The following ANTXR1 variants were observed in gnomAD, a reference collection of about 807,000 sequenced individuals.
ANTXR1 encodes the protein anthrax toxin receptor 1.
In ANTXR1, 19 loss-of-function variants were observed where a neutral mutation model predicts 78.1. The observed-to-expected ratio is 0.24, with a 90% confidence interval of 0.17 to 0.36. The LOEUF (loss-of-function observed/expected upper bound fraction) is 0.36, where lower values mean the gene tolerates loss of function less well. Ranked by LOEUF, ANTXR1 falls within the 10% of genes least tolerant of loss-of-function variation. The probability of loss-of-function intolerance (pLI) is 1.00; values close to 1 mark genes in which losing one functional copy is unlikely to be tolerated. For synonymous variants in ANTXR1, 273 were observed against 260.5 expected (o/e 1.05, Z -0.46); for missense variants, 518 against 718.6 (o/e 0.72, Z 3.19).
chr2:69,175,184 GGTTA>G (rs1674087047), intron 14 of ANTXR1, among the ~76,000 whole-genome samples: 1 of 152,190 alleles, frequency 6.6e-6, no homozygotes, highest in African/African-American at 2.4e-5. Context: ...ACGTAAAGAT[GGTTA>G]CTTATTTTCT....
chr2:69,213,844 A>C (rs972229381), intron 17 of ANTXR1, among the ~76,000 whole-genome samples: 1 of 152,256 alleles, frequency 6.6e-6, no homozygotes, highest in Non-Finnish European at 1.5e-5. Flanking sequence ...GTTCCAGTCA[A>C]CATTCCCTGT....
chr2:69,030,476 G>A (rs1333525229), intron 1 of ANTXR1, among the ~76,000 whole-genome samples: 1 of 152,098 alleles, frequency 6.6e-6, no homozygotes, highest in Non-Finnish European at 1.5e-5. Flanking sequence ...AAAACTAACA[G>A]TATAGTAAAG....
chr2:69,240,700 C>T (rs755045320), intron 17 of ANTXR1, among the ~76,000 whole-genome samples: 1 of 152,186 alleles, frequency 6.6e-6, no homozygotes, highest in African/African-American at 2.4e-5. Context: ...TTCAGGAATA[C>T]AGTATAAAGA....
intron 1 of ANTXR1, among the ~76,000 whole-genome samples, chr2:69,035,783 G>A (rs1236558594): frequency 2.6e-5 from 4 of 152,212 alleles, no homozygotes; most frequent in African/African-American, 9.6e-5. Context: ...TTGTTTTAAA[G>A]CTCTCATTTT....
chr2:69,216,214 A>G (rs546290305), intron 17 of ANTXR1, among the ~76,000 whole-genome samples: 200 of 152,358 alleles, frequency 1.3e-3, no homozygotes, highest in African/African-American at 4.5e-3. Flanking sequence ...TTATATCATC[A>G]GATTCCATGG....
chr2:69,027,660 A>G (rs1273284941), intron 1 of ANTXR1, among the ~76,000 whole-genome samples: 3 of 137,208 alleles, frequency 2.2e-5, no homozygotes, highest in African/African-American at 6.4e-5. Flanking sequence ...GTGTGTGTGT[A>G]AGCTATTTTG....
chr2:69,219,598 T>C (rs1313252230), intron 17 of ANTXR1, among the ~76,000 whole-genome samples: 1 of 152,222 alleles, frequency 6.6e-6, no homozygotes, highest in African/African-American at 2.4e-5. Flanking sequence ...CTATATTATA[T>C]GCTAAACAAG....
intron 3 of ANTXR1, among the ~76,000 whole-genome samples, chr2:69,068,518 C>T (rs1216647482): frequency 6.6e-6 from 1 of 152,072 alleles, no homozygotes; most frequent in African/African-American, 2.4e-5. Context: ...ATGTGAAGTG[C>T]CTATTGGAGA....
intron 17 of ANTXR1, among the ~76,000 whole-genome samples, chr2:69,231,373 A>G (rs1018660341): frequency 2.0e-5 from 3 of 152,140 alleles, no homozygotes; most frequent in Admixed American, 2.0e-4. Flanking sequence ...GGCAATGACT[A>G]AAGCACAGAT....
At chr2:69,164,811 G>A (rs751138508) in intron 13 of ANTXR1, among the ~76,000 whole-genome samples, 26 of 152,328 alleles carry the variant, frequency 1.7e-4, no homozygotes, top group Non-Finnish European at 2.4e-4. Flanking sequence ...AACACAGGAC[G>A]GGAGGCAGTG....
chr2:69,106,335 G>A (rs1671808313), intron 10 of ANTXR1, among the ~76,000 whole-genome samples: 1 of 152,178 alleles, frequency 6.6e-6, no homozygotes, highest in Non-Finnish European at 1.5e-5. Flanking sequence ...GATGAAATAT[G>A]ATTTTTAAAA....
rs901162339 is a variant in ANTXR1 at position 69,248,988 on chromosome 2, CTCT to C, written c.*3507_*3509del. 2.0e-5 allele frequency: 3 copies of C among 152,192 alleles called. No individual in the cohort carries two copies. Among genetic ancestry groups the C allele is most frequent in the African/African-American group, 7.2e-5 (3 of 41,440 alleles). 9.4% of individuals were successfully genotyped at this position (152,192 alleles called of 1,614,324 possible). A position where few individuals can be genotyped will look rare whatever the true frequency, so the allele number is the denominator to read the frequency against. On this transcript the variant is annotated 3_prime_UTR_variant, in exon 18 of 18. Transcript: ENST00000303714. ...GATTTTTAATACACTTAACATTAAA[CTCT>C]TCTAACTTTCTTCTTTCTGTGATAA...
intron 13 of ANTXR1, among the ~76,000 whole-genome samples, chr2:69,161,895 T>C (rs1237298730): frequency 2.6e-5 from 4 of 152,046 alleles, no homozygotes; most frequent in Non-Finnish European, 5.9e-5. Flanking sequence ...CTTTAAGAGA[T>C]CAACCCAGAA....
intron 8 of ANTXR1, among the ~76,000 whole-genome samples, chr2:69,084,955 C>G: frequency 6.6e-6 from 1 of 151,352 alleles, no homozygotes; most frequent in East Asian, 1.9e-4. Context: ...CAGGTTCACA[C>G]CATTCTCCTG....
rs78830903 is a variant in ANTXR1 at position 69,118,656 on chromosome 2, G to A, written c.803-4361G>A. ...GCCTCGGCTGTCCTAGGAGTGGATC[G>A]CGGCCCCACATATGTCACGACACCA... On this transcript the variant is annotated intron_variant, in intron 10 of 17. Transcript: ENST00000303714. Among the ~76,000 whole-genome samples, 620 of 152,206 alleles carry A rather than the reference G, an allele frequency of 4.1e-3. 5 individuals carry two copies. The highest frequency in any genetic ancestry group is 0.014 in the African/African-American group (568 of 41,548).
chr2:69,073,459 A>G (rs1347829466), intron 6 of ANTXR1, among the ~76,000 whole-genome samples: 1 of 152,230 alleles, frequency 6.6e-6, no homozygotes, highest in Non-Finnish European at 1.5e-5. Flanking sequence ...ATTTTCTACT[A>G]AAACAGGAGG....
intron 16 of ANTXR1, among the ~76,000 whole-genome samples, chr2:69,187,451 T>C (rs1674446210): frequency 6.6e-6 from 1 of 151,944 alleles, no homozygotes; most frequent in Non-Finnish European, 1.5e-5. Context: ...ACAAAATCTA[T>C]CCTATGCATG....
At chr2:69,014,167 G>T (rs936480443) in intron 1 of ANTXR1, among the ~76,000 whole-genome samples, 3 of 152,098 alleles carry the variant, frequency 2.0e-5, no homozygotes, top group Non-Finnish European at 2.9e-5. Context: ...ACTTCTCACC[G>T]GGCACTGAGT....
Position 69,247,660 on chromosome 2 carries a change from G to T in ANTXR1, c.*2175G>T, listed in dbSNP as rs947525458. 6.6e-6 allele frequency: 1 copy of T among 152,618 alleles called. No homozygotes were observed. Among genetic ancestry groups the T allele is most frequent in the Non-Finnish European group, 1.5e-5 (1 of 68,044 alleles). 9.5% of individuals were successfully genotyped at this position (152,618 alleles called of 1,614,324 possible). ...TGAAAACCATTCCATAGGAGAATGG[G>T]TTCCCCAGGCTCACAGTGTAGAGAC... On this transcript the variant is annotated 3_prime_UTR_variant, in exon 18 of 18. Coordinates refer to ENST00000303714, the MANE Select transcript of ANTXR1 (RefSeq NM_032208.3).
Sources: allele counts gnomAD v4.1 joint callset (sites outside exome capture counted in the v4.1 genomes callset), GRCh38; gene constraint gnomAD v4.1.1; transcripts MANE v1.5; gene names NCBI Gene and HGNC (gene_info 2026-07-23, HGNC 2026-07-21).